Variants in ADAMTS19 observed in about 807,000 individuals in gnomAD.
The protein encoded by ADAMTS19 is ADAM metallopeptidase with thrombospondin type 1 motif 19, also known as A disintegrin and metalloproteinase with thrombospondin motifs 19.
In ADAMTS19, 93 loss-of-function variants were observed where a neutral mutation model predicts 153.3. That is an observed-to-expected ratio of 0.61 (90% CI 0.51 to 0.72). The LOEUF is 0.72. Among genes scored for constraint, ADAMTS19 ranks in the 30% least tolerant of loss-of-function variants. The pLI is 0.00. For missense variants in ADAMTS19, 1,482 were observed against 1,552.1 expected (o/e 0.95, Z 0.76); for synonymous variants, 600 against 556.6 (o/e 1.08, Z -1.10).
intron 19 of ADAMTS19, among the ~76,000 whole-genome samples, chr5:129,696,954 C>T (rs748844536): frequency 3.3e-5 from 5 of 152,106 alleles, no homozygotes; most frequent in Non-Finnish European, 7.4e-5. Context: ...GGACTCTCAG[C>T]CAATCTCTAA....
chr5:129,704,200 T>C (rs1351904354), intron 20 of ADAMTS19, 39 bp from the exon 21 acceptor site: 1 of 1,596,144 alleles, frequency 6.3e-7, no homozygotes, highest in Admixed American at 1.7e-5. Flanking sequence ...TATCTCCAAT[T>C]CACCAACTTT....
At chr5:129,529,722 A>G (rs1343048576) in intron 6 of ADAMTS19, among the ~76,000 whole-genome samples, 5 of 152,160 alleles carry the variant, frequency 3.3e-5, no homozygotes, top group African/African-American at 1.2e-4. Context: ...ACCATAGATA[A>G]AAGTCTTAGG....
chr5:129,504,181 C>T (rs773320113), intron 2 of ADAMTS19, among the ~76,000 whole-genome samples: 11 of 152,096 alleles, frequency 7.2e-5, no homozygotes, highest in Non-Finnish European at 1.3e-4. Context: ...CTAGACTCTC[C>T]ATCCTATTTG....
intron 18 of ADAMTS19, among the ~76,000 whole-genome samples, chr5:129,690,123 CT>C (rs1755265642): frequency 3.1e-5 from 4 of 128,854 alleles, no homozygotes; most frequent in Non-Finnish European, 7.4e-5. Flanking sequence ...CATGCATCCA[CT>C]ATTGCTAGGT....
intron 20 of ADAMTS19, among the ~76,000 whole-genome samples, chr5:129,702,941 A>AAAAATATATATATATATATATATATAT: frequency 5.1e-4 from 15 of 29,258 alleles, no homozygotes; most frequent in East Asian, 2.7e-3. Flanking sequence ...AAAAAAAAAA[A>AAAAATATATATATATATATATATATAT]ATATATATAT....
intron 6 of ADAMTS19, among the ~76,000 whole-genome samples, chr5:129,537,946 C>CA (rs1242580772): frequency 6.7e-6 from 1 of 149,996 alleles, no homozygotes; most frequent in Non-Finnish European, 1.5e-5. Flanking sequence ...AATAAATACA[C>CA]AAAAAAAGAA....
intron 2 of ADAMTS19, among the ~76,000 whole-genome samples, chr5:129,493,029 C>T (rs1354220407): frequency 1.3e-5 from 2 of 152,066 alleles, no homozygotes; most frequent in African/African-American, 4.8e-5. Flanking sequence ...TACTTTTATA[C>T]TGTTGAATTT....
At chr5:129,657,296 C>G (rs1753588091) in intron 14 of ADAMTS19, among the ~76,000 whole-genome samples, 1 of 152,136 alleles carries the variant, frequency 6.6e-6, no homozygotes, top group Non-Finnish European at 1.5e-5. Flanking sequence ...TTCCCCCACC[C>G]CAACACCAGC....
chr5:129,726,119 T>C (rs942715931), intron 21 of ADAMTS19, among the ~76,000 whole-genome samples: 4 of 152,168 alleles, frequency 2.6e-5, no homozygotes, highest in Non-Finnish European at 2.9e-5. Flanking sequence ...TTAAGTTTGC[T>C]CTAAAGATGA....
At chr5:129,536,936 C>CATTAGGAGT (rs1231027399) in intron 6 of ADAMTS19, among the ~76,000 whole-genome samples, 18 of 151,636 alleles carry the variant, frequency 1.2e-4, no homozygotes, top group African/African-American at 4.4e-4. Flanking sequence ...GGAGGGATAG[C>CATTAGGAGT]ATTAGGAGAT....
chr5:129,548,714 GAC>G, intron 6 of ADAMTS19, among the ~76,000 whole-genome samples: 1 of 151,898 alleles, frequency 6.6e-6, no homozygotes. Context: ...CTGCTATAAA[GAC>G]ACATGCACAC....
intron 2 of ADAMTS19, among the ~76,000 whole-genome samples, chr5:129,472,224 G>T (rs961037088): frequency 6.6e-6 from 1 of 152,116 alleles, no homozygotes; most frequent in African/African-American, 2.4e-5. Context: ...TCTATTTTTT[G>T]ACTTTTTAAT....
chr5:129,680,219 G>A (rs886246940), intron 17 of ADAMTS19, among the ~76,000 whole-genome samples: 2 of 152,138 alleles, frequency 1.3e-5, no homozygotes, highest in African/African-American at 2.4e-5. Context: ...ACTAACTGAA[G>A]AGGATGTCTA....
At chr5:129,701,264 G>A in intron 19 of ADAMTS19, 124 bp from the exon 20 acceptor site, 1 of 1,052,164 alleles carries the variant, frequency 9.5e-7, no homozygotes, top group South Asian at 1.5e-5. Context: ...TGTGTCAATT[G>A]GACCTCTTTC....
chr5:129,615,600 T>G (rs1365928271), intron 8 of ADAMTS19, among the ~76,000 whole-genome samples: 1 of 152,008 alleles, frequency 6.6e-6, no homozygotes, highest in Non-Finnish European at 1.5e-5. Flanking sequence ...GAAAAGTTTT[T>G]GCATAGGAAA....
chr5:129,647,966 C>A lies in ADAMTS19; in HGVS notation c.2003+71C>A, dbSNP rs1016857061. 1.3e-5 allele frequency: 19 copies of A among 1,499,936 alleles called. No homozygotes were observed. In the African/African-American group the frequency reaches 2.1e-4, roughly 16 times the overall value. The allele number at this position is 1,499,936 out of a possible 1,614,324, so 92.9% of individuals were successfully genotyped here. A position where few individuals can be genotyped will look rare whatever the true frequency, so the allele number is the denominator to read the frequency against. On this transcript the variant is annotated intron_variant, in intron 12 of 22. Transcript: ENST00000274487. Reference sequence around the variant, plus strand: ...GAATGCAAAGGTTTTACTGATAAAGCATGTTGGAAAGCAAAAGAAGCTCCT... The same window carrying A: ...GAATGCAAAGGTTTTACTGATAAAGAATGTTGGAAAGCAAAAGAAGCTCCT...
intron 8 of ADAMTS19, among the ~76,000 whole-genome samples, chr5:129,597,245 TTAA>T (rs1430321389): frequency 6.6e-6 from 1 of 152,176 alleles, no homozygotes; most frequent in African/African-American, 2.4e-5. Context: ...TTCACTGAAA[TTAA>T]TAATAGGAAT....
chr5:129,736,895 A>G (rs2127231577), intron 22 of ADAMTS19, among the ~76,000 whole-genome samples, 172 bp from the exon 23 acceptor site: 1 of 152,224 alleles, frequency 6.6e-6, no homozygotes, highest in Admixed American at 6.5e-5. Flanking sequence ...TTACTTTTTA[A>G]TCATAGGAGG....
At chr5:129,658,387 A>G (rs1466600091) in intron 14 of ADAMTS19, among the ~76,000 whole-genome samples, 1 of 147,144 alleles carries the variant, frequency 6.8e-6, no homozygotes, top group Admixed American at 6.7e-5. Context: ...GGAAGGAAGG[A>G]AGGTAGGTAG....
Sources: gnomAD v4.1 joint callset for allele counts (sites outside exome capture counted in the v4.1 genomes callset) on GRCh38, gnomAD v4.1.1 for gene constraint, MANE v1.5 for transcripts, NCBI Gene and HGNC (gene_info 2026-07-23, HGNC 2026-07-21) for gene names.